Variants in LSAMP observed in about 807,000 individuals in gnomAD.
LSAMP encodes the protein limbic system-associated membrane protein.
In LSAMP, 7 loss-of-function variants were observed where a neutral mutation model predicts 38.6. The ratio of observed to expected loss-of-function variants is 0.18; its 90% CI spans 0.10 to 0.34. The LOEUF (loss-of-function observed/expected upper bound fraction) is 0.34. LSAMP is among the 10% of genes least tolerant of loss of function. The pLI is 1.00. For missense variants in LSAMP, 313 were observed against 420.0 expected, an observed-to-expected ratio of 0.75 and a Z score of 2.23; for synonymous variants, 154 against 166.8, an observed-to-expected ratio of 0.92 and a Z score of 0.59.
intron 1 of LSAMP, among the ~76,000 whole-genome samples, chr3:116,356,679 TA>T (rs773104877): frequency 2.6e-5 from 4 of 152,236 alleles, no homozygotes; most frequent in Non-Finnish European, 4.4e-5. Flanking sequence ...CATATGCCTG[TA>T]AAAAATATCT....
intron 1 of LSAMP, among the ~76,000 whole-genome samples, chr3:116,341,685 A>G (rs1041407903): frequency 5.3e-5 from 8 of 152,020 alleles, no homozygotes; most frequent in Non-Finnish European, 1.0e-4. Flanking sequence ...TGGCTGCCAA[A>G]GGGGCTGATG....
intron 1 of LSAMP, among the ~76,000 whole-genome samples, chr3:116,333,872 A>C (rs927165815): frequency 1.3e-5 from 2 of 151,896 alleles, no homozygotes; most frequent in African/African-American, 4.8e-5. Context: ...CAAAGCTAGA[A>C]GAAAGAAGGA....
chr3:115,953,620 T>C (rs1352397619), intron 3 of LSAMP, among the ~76,000 whole-genome samples: 1 of 152,150 alleles, frequency 6.6e-6, no homozygotes, highest in East Asian at 1.9e-4. Flanking sequence ...ATTAACGTGA[T>C]CTGAAGAAAA....
At chr3:116,096,864 G>A (rs542019677) in intron 1 of LSAMP, among the ~76,000 whole-genome samples, 17 of 152,248 alleles carry the variant, frequency 1.1e-4, no homozygotes, top group Non-Finnish European at 1.9e-4. Flanking sequence ...GCAATTATAC[G>A]CTCACTAAAC....
intron 1 of LSAMP, among the ~76,000 whole-genome samples, chr3:116,311,631 A>C (rs377279057): frequency 6.6e-6 from 1 of 152,170 alleles, no homozygotes; most frequent in African/African-American, 2.4e-5. Context: ...GACACATCTC[A>C]GCTTGGAGTC....
At chr3:116,086,264 A>C in intron 2 of LSAMP, 60 bp downstream of exon 2, 1 of 1,267,012 alleles carries the variant, frequency 7.9e-7, no homozygotes, top group East Asian at 2.4e-5. Context: ...TATTTTGTAC[A>C]TTATTATTCT....
intron 1 of LSAMP, among the ~76,000 whole-genome samples, chr3:116,400,925 T>TA (rs1285988830): frequency 6.6e-6 from 1 of 152,202 alleles, no homozygotes; most frequent in Non-Finnish European, 1.5e-5. Context: ...CCTGTGCATA[T>TA]ATACTACCTA....
At chr3:115,889,776 T>C (rs992340694) in intron 3 of LSAMP, among the ~76,000 whole-genome samples, 1 of 151,996 alleles carries the variant, frequency 6.6e-6, no homozygotes, top group Non-Finnish European at 1.5e-5. Context: ...TAGGCATTTC[T>C]GCAAGGCTAG....
chr3:115,829,823 T>A (rs553844135), intron 6 of LSAMP, among the ~76,000 whole-genome samples: 7 of 152,304 alleles, frequency 4.6e-5, no homozygotes, highest in African/African-American at 1.4e-4. Flanking sequence ...ATTTCAGAAA[T>A]CTTTAGAATC....
chr3:115,818,919 G>A (rs1456806012), intron 6 of LSAMP, among the ~76,000 whole-genome samples: 4 of 149,208 alleles, frequency 2.7e-5, no homozygotes, highest in Non-Finnish European at 5.9e-5. Context: ...CAGCACTTTG[G>A]GAGGCTGAGG....
intron 3 of LSAMP, among the ~76,000 whole-genome samples, chr3:115,922,606 T>G (rs1014072431): frequency 3.9e-5 from 6 of 152,142 alleles, no homozygotes; most frequent in African/African-American, 1.4e-4. Flanking sequence ...CATGTTTTCT[T>G]GTTTCTCTGT....
intron 6 of LSAMP, among the ~76,000 whole-genome samples, chr3:115,826,070 G>A (rs905201697): frequency 6.6e-5 from 10 of 151,878 alleles, no homozygotes; most frequent in Admixed American, 1.3e-4. Context: ...GTGGGTTGTC[G>A]TTCTCTTCCC....
At chr3:116,414,099 C>CT (rs1001173715) in intron 1 of LSAMP, among the ~76,000 whole-genome samples, 6 of 152,062 alleles carry the variant, frequency 3.9e-5, no homozygotes, top group Non-Finnish European at 8.8e-5. Flanking sequence ...CTTCCTGCAT[C>CT]TTTAAGCAGG....
At chr3:116,406,169 T>G (rs1441239893) in intron 1 of LSAMP, among the ~76,000 whole-genome samples, 3 of 152,142 alleles carry the variant, frequency 2.0e-5, no homozygotes, top group Non-Finnish European at 4.4e-5. Context: ...CCTTTCTATT[T>G]TGAAGACTCA....
chr3:115,886,506 G>T (rs576466429), intron 3 of LSAMP, among the ~76,000 whole-genome samples: 2 of 152,056 alleles, frequency 1.3e-5, no homozygotes, highest in South Asian at 2.1e-4. Context: ...AGCAAATGAA[G>T]TTCCAAAATT....
intron 3 of LSAMP, among the ~76,000 whole-genome samples, chr3:115,898,391 G>A (rs1936782442): frequency 6.6e-6 from 1 of 151,936 alleles, no homozygotes; most frequent in Admixed American, 6.6e-5. Context: ...AAGCCATAAG[G>A]TGCACTTTGG....
chr3:116,355,570 A>C (rs543813538), intron 1 of LSAMP, among the ~76,000 whole-genome samples: 11 of 152,324 alleles, frequency 7.2e-5, no homozygotes, highest in African/African-American at 2.6e-4. Flanking sequence ...AGGCAACTAA[A>C]GCAAAAATAG....
At chr3:116,273,827 C>A (rs965751435) in intron 1 of LSAMP, among the ~76,000 whole-genome samples, 41 of 150,108 alleles carry the variant, frequency 2.7e-4, no homozygotes, top group East Asian at 1.4e-3. Context: ...CTCTCTCTCT[C>A]TCTCTTTCGC....
chr3:116,216,300 T>C (rs2046218504), intron 1 of LSAMP, among the ~76,000 whole-genome samples: 1 of 152,200 alleles, frequency 6.6e-6, no homozygotes, highest in Non-Finnish European at 1.5e-5. Context: ...GACCACTCTG[T>C]AACGGATCCT....
Sources: allele counts gnomAD v4.1 joint callset (sites outside exome capture counted in the v4.1 genomes callset), GRCh38; gene constraint gnomAD v4.1.1; transcripts MANE v1.5; gene names NCBI Gene and HGNC (gene_info 2026-07-23, HGNC 2026-07-21).